The following FOXA1 variants were observed in gnomAD, a reference collection of about 807,000 sequenced individuals.
The protein encoded by FOXA1 is forkhead box A1.
A neutral mutation model predicts 29.2 loss-of-function variants in FOXA1; 9 were observed. The ratio of observed to expected loss-of-function variants is 0.31; its 90% confidence interval spans 0.19 to 0.54. The LOEUF is 0.54. Ranked by LOEUF, FOXA1 falls within the 20% of genes least tolerant of loss-of-function variation. The pLI is 0.95. For synonymous variants in FOXA1, 340 were observed against 300.9 expected, an observed-to-expected ratio of 1.13 and a Z score of -1.34; for missense variants, 644 against 681.2, an observed-to-expected ratio of 0.95 and a Z score of 0.61.
In FOXA1 at chr14:37,591,330, A is replaced by G. The variant is rs1279729910; in HGVS notation, c.*35T>C. On this transcript the variant is annotated 3_prime_UTR_variant, in exon 2 of 2. Coordinates refer to ENST00000250448, the MANE Select transcript of FOXA1 (RefSeq NM_004496.5). ...TGATTTTTTCTCTCTTGCTACCAGC[A>G]TGGCTATGCCAGACAAACCCCCCAG... 6.2e-7 allele frequency: 1 copy of G among 1,609,986 alleles called. No individual in the cohort carries two copies. Among genetic ancestry groups the G allele is most frequent in the Non-Finnish European group, 8.5e-7 (1 of 1,179,980 alleles).
At position 37,591,359 on chromosome 14, in the gene FOXA1, C is replaced by T. The variant is rs780709606; in HGVS notation, c.*6G>A. ...CTATGCCAGACAAACCCCCCAGTCCCGGGAGCTAGGAAGTGTTTAGGACGG... is the reference window on the plus strand; with the variant it reads ...CTATGCCAGACAAACCCCCCAGTCCTGGGAGCTAGGAAGTGTTTAGGACGG... On this transcript the variant is annotated 3_prime_UTR_variant, in exon 2 of 2. Transcript: ENST00000250448. 2.5e-6 allele frequency: 4 copies of T among 1,612,806 alleles called. No homozygotes were observed. The highest frequency in any genetic ancestry group is 3.3e-5 in the Admixed American group (2 of 60,026).
rs767526421 is a variant in FOXA1 at position 37,592,478 on chromosome 14, C to T, written c.306G>A (p.Thr102=). ...AMNSMTAAGV[T]AMGTALSPSG... is the part of the protein sequence containing the mutation. The stretch of plus-strand genomic sequence containing the variant: ...TCGGGCTCAGCGCCGTACCCATGGC[C>T]GTCACGCCGGCCGCAGTCATGCTGT... Residue 102 remains threonine, a synonymous_variant, in exon 2 of 2, where the codon ACG becomes ACA. Transcript: ENST00000250448. 24 of 1,607,786 alleles carry T rather than the reference C, an allele frequency of 1.5e-5. No individual in the cohort carries two copies. The highest frequency in any genetic ancestry group is 1.0e-4 in the Admixed American group (6 of 59,858).
chr14:37,592,378 G>T lies in FOXA1; in HGVS notation c.406C>A (p.Pro136Thr), dbSNP rs759660757. The change falls in exon 2 of 2, where the codon CCG (proline) becomes ACG (threonine). Residue 136 changes from proline to threonine, a missense_variant. Physicochemically the swap from Pro to Thr is conservative, Grantham distance 38 (BLOSUM62 -1). Coordinates refer to ENST00000250448, the MANE Select transcript of FOXA1 (RefSeq NM_004496.5). ...GCGTACGCCATGGGGCTCATGCACGGGTTCATGGCGGCCGCGTAGGGGCCC... is the reference window on the plus strand; with the variant it reads ...GCGTACGCCATGGGGCTCATGCACGTGTTCATGGCGGCCGCGTAGGGGCCC... ...GLGPYAAAMN[P>T]CMSPMAYAPS... 62 of 1,603,158 alleles carry T rather than the reference G, an allele frequency of 3.9e-5. No individual in the cohort carries two copies. Among genetic ancestry groups the T allele is most frequent in the Non-Finnish European group, 4.8e-5 (57 of 1,176,756 alleles).
intron 1 of FOXA1, 116 bp from the exon 2 acceptor site, chr14:37,592,827 G>C (rs1414429380): frequency 2.1e-5 from 27 of 1,290,630 alleles, no homozygotes; most frequent in Non-Finnish European, 2.9e-5. Context: ...TGCAGAACAC[G>C]GGACGCCCCC....
Position 37,595,108 on chromosome 14 carries a change from G to C in FOXA1, c.-136C>G, listed in dbSNP as rs2095601112. 3 of 543,386 alleles carry C rather than the reference G, an allele frequency of 5.5e-6. No homozygotes were observed. The highest frequency in any genetic ancestry group is 7.8e-5 in the Admixed American group (2 of 25,608). 33.7% of individuals were successfully genotyped at this position (543,386 alleles called of 1,614,324 possible). ...CGCGCGGGCCCAACGCCACCCGGGC[G>C]AAGAGGAAGCCCAGAGCTGCGGGGC... On this transcript the variant is annotated 5_prime_UTR_variant, in exon 1 of 2. Transcript: ENST00000250448.
In FOXA1 at chr14:37,592,571, C is replaced by G. The variant is rs1295197667; in HGVS notation, c.213G>C (p.Pro71=). 6.2e-6 allele frequency: 10 copies of G among 1,614,126 alleles called. No homozygotes were observed. The highest frequency in any genetic ancestry group is 1.3e-5 in the African/African-American group (1 of 75,068). Residue 71 remains proline (P), a synonymous_variant, in exon 2 of 2, where the codon CCG becomes CCC. Coordinates refer to ENST00000250448, the MANE Select transcript of FOXA1 (RefSeq NM_004496.5). ...PASFNMSYAN[P]GLGAGLSPGA... is the part of the protein sequence containing the mutation. ...CGGGACTCAGGCCGGCCCCTAGGCC[C>G]GGGTTGGCATAGGACATGTTGAAGG...
rs1407484362 is a variant in FOXA1, at chr14:37,591,805, C to T, written c.979G>A (p.Gly327Arg). The T allele has an allele frequency of 6.8e-7, 1 of 1,460,000 alleles. No homozygotes were observed. 90.4% of individuals were successfully genotyped at this position (1,460,000 alleles called of 1,614,324 possible). A position where few individuals can be genotyped will look rare whatever the true frequency, so the allele number is the denominator to read the frequency against. ...TGQLEGAPAPGPAASPQTLDH... is the reference protein window; with the variant it reads ...TGQLEGAPAPRPAASPQTLDH... ...AGAGTCTGGGGGCTGGCGGCGGGCC[C>T]GGGGGCCGGCGCGCCCTCTAGCTGG... is the stretch of plus-strand genomic sequence containing the variant. Residue 327 changes from glycine to arginine, a missense_variant, in exon 2 of 2, where the codon GGG becomes AGG. By Grantham distance (125) the Gly-to-Arg change is moderately radical (BLOSUM62 -2). Coordinates refer to ENST00000250448, the MANE Select transcript of FOXA1 (RefSeq NM_004496.5).
chr14:37,593,121 C>T (rs895289104), intron 1 of FOXA1, among the ~76,000 whole-genome samples: 7 of 152,206 alleles, frequency 4.6e-5, no homozygotes, highest in Middle Eastern at 3.2e-3. Context: ...CACCTATGGA[C>T]ATGGGACCCC....
At chr14:37,593,444 A>G (rs1246805148) in intron 1 of FOXA1, among the ~76,000 whole-genome samples, 1 of 152,166 alleles carries the variant, frequency 6.6e-6, no homozygotes, top group African/African-American at 2.4e-5. Context: ...TCACCACTTT[A>G]CAGTCCCCTG....
rs773971748 is a variant in FOXA1 at position 37,592,193 on chromosome 14, G to A, written c.591C>T (p.Tyr197=). 1.2e-6 allele frequency: 2 copies of A among 1,613,868 alleles called. No homozygotes were observed. ...PSKMLTLSEI[Y]QWIMDLFPYY... is the part of the protein sequence containing the mutation. The stretch of plus-strand genomic sequence containing the variant: ...AGGGGAAGAGGTCCATGATCCACTG[G>A]TAGATCTCGCTCAGCGTGAGCATCT... Residue 197 remains tyrosine, a synonymous_variant, in exon 2 of 2, where the codon TAC becomes TAT. Coordinates refer to ENST00000250448, the MANE Select transcript of FOXA1 (RefSeq NM_004496.5).
chr14:37,591,872 G>A lies in FOXA1; in HGVS notation c.912C>T (p.Ser304=), dbSNP rs764636331. 4 of 1,451,960 alleles carry A rather than the reference G, an allele frequency of 2.8e-6. No individual in the cohort carries two copies. The highest frequency in any genetic ancestry group is 2.8e-5 in the Admixed American group (1 of 35,338). The allele number at this position is 1,451,960 out of a possible 1,614,324, so 89.9% of individuals were successfully genotyped here. ...CACCCCGATGGAGGGGCGAGTCGGC[G>A]CTGGGGTTAGAGGCGCCAGAGGGGT... ...RKDPSGASNP[S]ADSPLHRGVH... The change falls in exon 2 of 2, where the codon AGC becomes AGT. Residue 304 remains serine (S), a synonymous_variant. Transcript: ENST00000250448.
Position 37,591,647 on chromosome 14 carries a change from C to T in FOXA1, c.1137G>A (p.Leu379=). 6.3e-7 allele frequency: 1 copy of T among 1,596,902 alleles called. No individual in the cohort carries two copies. The highest frequency in any genetic ancestry group is 8.5e-7 in the Non-Finnish European group (1 of 1,171,326). The part of the protein sequence containing the change: ...SVPASHPAHG[L]APHESQLHLK... ...GGTGCAGCTGGGACTCGTGGGGTGC[C>T]AAGCCGTGTGCCGGGTGAGAGGCGG... Residue 379 remains leucine (L), a synonymous_variant, in exon 2 of 2, where the codon TTG becomes TTA. Coordinates refer to ENST00000250448, the MANE Select transcript of FOXA1 (RefSeq NM_004496.5).
At position 37,591,472 on chromosome 14, in the gene FOXA1, G is replaced by C. The variant is rs1245015491; in HGVS notation, c.1312C>G (p.Pro438Ala). 3 of 1,614,112 alleles carry C rather than the reference G, an allele frequency of 1.9e-6. No homozygotes were observed. The highest frequency in any genetic ancestry group is 2.5e-6 in the Non-Finnish European group (3 of 1,180,052). ...GTGGTCACCGAGGCGCTGCCTAGAG[G>C]CAGGCTGGCGGGCAACGTAGAGCCG... ...PYGSTLPASL[P>A]LGSASVTTRS... The change falls in exon 2 of 2, where the codon CCT becomes GCT. Residue 438 changes from proline (P) to alanine (A), a missense_variant. This residue lies in a region of FOXA1 where 295 missense variants were observed against 294.4 expected (regional missense o/e 1.00). Transcript: ENST00000250448.
rs1383648260 is a variant in FOXA1, at chr14:37,589,830, C to A, written c.*1535G>T. ...ACACTTTACTTGAATTTCTTTCACTCCTTTTTACTAGCTACACATTCATTA... is the reference window on the plus strand; with the variant it reads ...ACACTTTACTTGAATTTCTTTCACTACTTTTTACTAGCTACACATTCATTA... On this transcript the variant is annotated 3_prime_UTR_variant, in exon 2 of 2. Transcript: ENST00000250448. Among the ~76,000 whole-genome samples the A allele has an allele frequency of 1.3e-5, 2 of 152,060 alleles. No homozygotes were observed. Among genetic ancestry groups the A allele is most frequent in the Non-Finnish European group, 2.9e-5 (2 of 68,024 alleles).
Position 37,591,099 on chromosome 14 carries a change from T to C in FOXA1, c.*266A>G, listed in dbSNP as rs866341845. On this transcript the variant is annotated 3_prime_UTR_variant, in exon 2 of 2. Transcript: ENST00000250448. Reference sequence around the variant, plus strand: ...CAAGGAAGGAGGAGAATTTCATATATACACTTGTGGATCATTAAACTTCGC... The same window carrying C: ...CAAGGAAGGAGGAGAATTTCATATACACACTTGTGGATCATTAAACTTCGC... 6 of 534,662 alleles carry C rather than the reference T, an allele frequency of 1.1e-5. No individual in the cohort carries two copies. The South Asian group carries it at 1.2e-4, about 11-fold the overall frequency. The allele number at this position is 534,662 out of a possible 1,614,324, so 33.1% of individuals were successfully genotyped here.
At position 37,595,144 on chromosome 14, in the gene FOXA1, C is replaced by CGGCGGCGGCGGCGCGGCGGGCGGG. The variant is rs2095601219; in HGVS notation, c.-173_-172insCCCGCCCGCCGCGCCGCCGCCGCC. 3 of 17,838 alleles carry CGGCGGCGGCGGCGCGGCGGGCGGG rather than the reference C, an allele frequency of 1.7e-4. No homozygotes were observed. Among genetic ancestry groups the CGGCGGCGGCGGCGCGGCGGGCGGG allele is most frequent in the Admixed American group, 1.6e-3 (2 of 1,228 alleles). 1.1% of individuals were successfully genotyped at this position (17,838 alleles called of 1,614,324 possible). A position where few individuals can be genotyped will look rare whatever the true frequency, so the allele number is the denominator to read the frequency against. On this transcript the variant is annotated 5_prime_UTR_variant, in exon 1 of 2. Transcript: ENST00000250448. ...CCAGAGCTGCGGGGCGCGGCGTGCG[C>CGGCGGCGGCGGCGCGGCGGGCGGG]GGCGGCGGCGGCGGCGCGGCGGGCG... is the stretch of plus-strand genomic sequence containing the variant.
At position 37,591,887 on chromosome 14, in the gene FOXA1, G is replaced by A. The variant is rs1230952020; in HGVS notation, c.897C>T (p.Gly299=). The change falls in exon 2 of 2, where the codon GGC becomes GGT. Residue 299 remains glycine, a synonymous_variant. Transcript: ENST00000250448. ...GGPESRKDPS[G]ASNPSADSPL... Reference sequence around the variant, plus strand: ...GCGAGTCGGCGCTGGGGTTAGAGGCGCCAGAGGGGTCCTTGCGGCTCTCAG... The same window carrying A: ...GCGAGTCGGCGCTGGGGTTAGAGGCACCAGAGGGGTCCTTGCGGCTCTCAG... 4 of 1,457,954 alleles carry A rather than the reference G, an allele frequency of 2.7e-6. No homozygotes were observed. Among genetic ancestry groups the A allele is most frequent in the South Asian group, 1.4e-5 (1 of 68,978 alleles). 90.3% of individuals were successfully genotyped at this position (1,457,954 alleles called of 1,614,324 possible).
At position 37,590,341 on chromosome 14, in the gene FOXA1, T is replaced by G. The variant is rs1042414622; in HGVS notation, c.*1024A>C. 8.6e-6 allele frequency: 2 copies of G among 232,080 alleles called. No homozygotes were observed. The highest frequency in any genetic ancestry group is 1.7e-5 in the Non-Finnish European group (2 of 117,228). 14.4% of individuals were successfully genotyped at this position (232,080 alleles called of 1,614,324 possible). On this transcript the variant is annotated 3_prime_UTR_variant, in exon 2 of 2. Transcript: ENST00000250448. ...GGCCACTATCAATAGGATTTTTGAA[T>G]CTTGGACCACGTTTTGAAATCCAGC... is the stretch of plus-strand genomic sequence containing the variant.
intron 1 of FOXA1, chr14:37,593,781 TGG>T (rs1176678149): frequency 6.5e-6 from 1 of 153,988 alleles, no homozygotes; most frequent in African/African-American, 2.4e-5. Context: ...AATAGCGATG[TGG>T]GAATGCATTA....
Sources: allele counts gnomAD v4.1 joint callset (sites outside exome capture counted in the v4.1 genomes callset), GRCh38; gene constraint gnomAD v4.1.1; regional missense constraint gnomAD v4.1.1; transcripts MANE v1.5; gene names NCBI Gene and HGNC (gene_info 2026-07-23, HGNC 2026-07-21).